CRHR1: variants seen among roughly 807,000 people sequenced by gnomAD.
The protein encoded by CRHR1 is corticotropin releasing hormone receptor 1.
In CRHR1, 28 loss-of-function variants were observed where a neutral mutation model predicts 56.0. That is an observed-to-expected ratio of 0.50 (90% confidence interval 0.37 to 0.69). The LOEUF (loss-of-function observed/expected upper bound fraction) is 0.69. CRHR1 is among the 30% of genes least tolerant of loss of function. The pLI is 0.00. For missense variants in CRHR1, 376 were observed against 548.0 expected (o/e 0.69, Z 3.13); for synonymous variants, 195 against 216.5 (o/e 0.90, Z 0.87).
chr17:45,790,667 A>C (rs893016897), intron 1 of CRHR1, among the ~76,000 whole-genome samples: 3 of 152,246 alleles, frequency 2.0e-5, no homozygotes, highest in Non-Finnish European at 4.4e-5. Context: ...CCCCCTCCGC[A>C]TGTCAGCTGG....
chr17:45,788,466 C>T (rs1393172460), intron 1 of CRHR1, among the ~76,000 whole-genome samples: 1 of 152,234 alleles, frequency 6.6e-6, no homozygotes, highest in Non-Finnish European at 1.5e-5. Context: ...AGCACTCCCC[C>T]TTCCCAGCTC....
At chr17:45,832,947 C>G (rs1255055567) in intron 8 of CRHR1, among the ~76,000 whole-genome samples, 191 bp from the exon 9 acceptor site, 2 of 152,268 alleles carry the variant, frequency 1.3e-5, no homozygotes, top group Non-Finnish European at 2.9e-5. Context: ...AGGATGCTGT[C>G]CGTTCTGCAG....
chr17:45,832,076 A>C (rs551477441), intron 8 of CRHR1, among the ~76,000 whole-genome samples: 6 of 152,068 alleles, frequency 3.9e-5, no homozygotes, highest in African/African-American at 1.4e-4. Context: ...AAACAAAAAA[A>C]CAAAAATTAG....
chr17:45,821,266 C>A, intron 3 of CRHR1, 89 bp from the exon 4 acceptor site: 2 of 1,196,032 alleles, frequency 1.7e-6, no homozygotes, highest in Non-Finnish European at 2.5e-6. Context: ...TGGCCATCTA[C>A]AGATCCATCT....
intron 1 of CRHR1, among the ~76,000 whole-genome samples, chr17:45,804,839 G>A (rs1347538052): frequency 6.6e-6 from 1 of 150,520 alleles, no homozygotes; most frequent in Admixed American, 6.6e-5. Context: ...TTTTGAGATA[G>A]AGTATTACTC....
intron 5 of CRHR1, among the ~76,000 whole-genome samples, 153 bp from the exon 6 acceptor site, chr17:45,829,941 C>T (rs375388131): frequency 4.6e-5 from 7 of 152,224 alleles, no homozygotes; most frequent in African/African-American, 1.4e-4. Context: ...TTAGGAGAGC[C>T]TGGCTGTCAC....
Position 45,833,699 on chromosome 17 carries a change from C to CCCCCCCCCCCCG in CRHR1, c.930-13_930-12insCCCCCCCCCGCC. 1.4e-6 allele frequency: 1 copy of CCCCCCCCCCCCG among 717,304 alleles called. No individual in the cohort carries two copies. Among genetic ancestry groups the CCCCCCCCCCCCG allele is most frequent in the Non-Finnish European group, 2.4e-6 (1 of 410,622 alleles). 44.4% of individuals were successfully genotyped at this position (717,304 alleles called of 1,614,324 possible). A position where few individuals can be genotyped will look rare whatever the true frequency, so the allele number is the denominator to read the frequency against. Reference sequence around the variant, plus strand: ...TGGGCTGTGACTCCGAGCCTCCCCACCCGCCCCACCCCAGGAAGGCTGTGA... The same window carrying CCCCCCCCCCCCG: ...TGGGCTGTGACTCCGAGCCTCCCCACCCCCCCCCCCCGCCGCCCCACCCCAGGAAGGCTGTGA... On this transcript the variant is annotated splice_polypyrimidine_tract_variant and intron_variant, in intron 10 of 12. Transcript: ENST00000314537.
intron 1 of CRHR1, chr17:45,800,128 G>C (rs1162305721): frequency 2.6e-5 from 4 of 152,774 alleles, no homozygotes; most frequent in Non-Finnish European, 5.8e-5. Flanking sequence ...GTGTGTGTCT[G>C]TCTGTCCTTC....
intron 1 of CRHR1, among the ~76,000 whole-genome samples, chr17:45,802,318 G>A (rs572321395): frequency 6.6e-6 from 1 of 152,242 alleles, no homozygotes; most frequent in South Asian, 2.1e-4. Context: ...GAGCAAGACT[G>A]TCTCAAAAAA....
At chr17:45,788,598 G>T (rs766433132) in intron 1 of CRHR1, among the ~76,000 whole-genome samples, 2 of 152,168 alleles carry the variant, frequency 1.3e-5, no homozygotes, top group African/African-American at 2.4e-5. Context: ...AAGGACAAAA[G>T]GAATTAATAC....
In CRHR1 at chr17:45,784,397, A is replaced by C; in HGVS notation, c.-148A>C. On this transcript the variant is annotated 5_prime_UTR_variant, in exon 1 of 13. Coordinates refer to ENST00000314537, the MANE Select transcript of CRHR1 (RefSeq NM_004382.5). This position sits in a 1 kb window ranked among gnomAD's most constrained non-coding sequence, Gnocchi z 4.2. ...GCCGGGCCGGGCCGCGGGGCCGGGAAGCGCCGAGCCGGGCATCTCCTCACC... is the reference window on the plus strand; with the variant it reads ...GCCGGGCCGGGCCGCGGGGCCGGGACGCGCCGAGCCGGGCATCTCCTCACC... The C allele has an allele frequency of 2.7e-5, 14 of 511,162 alleles. No individual in the cohort carries two copies. The highest frequency in any genetic ancestry group is 2.4e-5 in the Non-Finnish European group (8 of 337,524). 31.7% of individuals were successfully genotyped at this position (511,162 alleles called of 1,614,324 possible). A position where few individuals can be genotyped will look rare whatever the true frequency, so the allele number is the denominator to read the frequency against.
chr17:45,829,954 C>A, intron 5 of CRHR1, 140 bp from the exon 6 acceptor site: 1 of 1,347,348 alleles, frequency 7.4e-7, no homozygotes, highest in Non-Finnish European at 1.0e-6. Context: ...GCTGTCACCT[C>A]CCTGTGTGAC....
chr17:45,801,939 C>A (rs979334165), intron 1 of CRHR1, among the ~76,000 whole-genome samples: 2 of 152,128 alleles, frequency 1.3e-5, no homozygotes, highest in African/African-American at 4.8e-5. Flanking sequence ...TGGTTTTCAT[C>A]ACACACACCA....
intron 3 of CRHR1, among the ~76,000 whole-genome samples, chr17:45,817,546 G>C (rs2061954221): frequency 6.6e-6 from 1 of 152,256 alleles, no homozygotes; most frequent in Admixed American, 6.5e-5. Context: ...GGATGGCTTG[G>C]CTTCTAAGAT....
rs73309325 is a variant in CRHR1 at position 45,796,691 on chromosome 17, C to T, written c.34-10319C>T. Among the ~76,000 whole-genome samples the T allele has an allele frequency of 6.5e-3, 983 of 151,768 alleles. 21 individuals are homozygous for T. Among genetic ancestry groups the T allele is most frequent in the African/African-American group, 0.023 (933 of 41,336 alleles). On this transcript the variant is annotated intron_variant, in intron 1 of 12. Transcript: ENST00000314537. ...AGTAAAGGCTCTGACTTGCAGGGGT[C>T]GAGAAGGATTAAATGAAGAAATTCA...
At chr17:45,799,137 C>A in intron 1 of CRHR1, among the ~76,000 whole-genome samples, 1 of 152,210 alleles carries the variant, frequency 6.6e-6, no homozygotes, top group Non-Finnish European at 1.5e-5. Context: ...GGCTGGTCTC[C>A]ACCTGTGGGT....
At chr17:45,831,143 C>T (rs763117296) in intron 8 of CRHR1, among the ~76,000 whole-genome samples, 4 of 152,176 alleles carry the variant, frequency 2.6e-5, no homozygotes, top group Non-Finnish European at 5.9e-5. Context: ...ACAAGCAGGA[C>T]CCAGCCTCCT....
intron 4 of CRHR1, chr17:45,826,997 A>C (rs1225335119): frequency 6.6e-6 from 1 of 152,264 alleles, no homozygotes; most frequent in African/African-American, 2.4e-5. Context: ...ACCCAAAAAA[A>C]GAAATGTCCC....
chr17:45,806,870 G>A (rs1598414634), intron 1 of CRHR1, 140 bp from the exon 2 acceptor site: 2 of 663,374 alleles, frequency 3.0e-6, no homozygotes, highest in East Asian at 2.8e-5. Flanking sequence ...GGGTGTCTGG[G>A]AAGCGACTGG....
Sources: allele counts gnomAD v4.1 joint callset (sites outside exome capture counted in the v4.1 genomes callset), GRCh38; gene constraint gnomAD v4.1.1; non-coding constraint Gnocchi (gnomAD v3.1); transcripts MANE v1.5; gene names NCBI Gene and HGNC (gene_info 2026-07-23, HGNC 2026-07-21).